The following ADAMTSL1 variants were observed in gnomAD, a reference collection of about 807,000 sequenced individuals.
ADAMTSL1 encodes ADAMTS-like protein 1.
A neutral mutation model predicts 201.8 loss-of-function variants in ADAMTSL1; 126 were observed. The ratio of observed to expected loss-of-function variants is 0.62; its 90% CI spans 0.54 to 0.72. The LOEUF (loss-of-function observed/expected upper bound fraction) is 0.72, where lower values mean the gene tolerates loss of function less well. ADAMTSL1 is among the 30% of genes least tolerant of loss of function. The pLI, the probability that ADAMTSL1 is intolerant of heterozygous loss-of-function variation, is 0.00. For missense variants in ADAMTSL1, 2,679 were observed against 2,277.8 expected (o/e 1.18, Z -3.59); for synonymous variants, 1,121 against 903.4 (o/e 1.24, Z -4.32).
intron 1 of ADAMTSL1, among the ~76,000 whole-genome samples, chr9:17,926,406 CA>C (rs1340514762): frequency 6.6e-6 from 1 of 152,144 alleles, no homozygotes; most frequent in Non-Finnish European, 1.5e-5. Context: ...TCGGCCACAT[CA>C]CCAGTGTGGA....
intron 2 of ADAMTSL1, among the ~76,000 whole-genome samples, chr9:18,366,811 A>G (rs987431458): frequency 1.3e-5 from 2 of 151,784 alleles, no homozygotes; most frequent in African/African-American, 2.4e-5. Context: ...AGAGACACCA[A>G]TGGCCAGGCT....
intron 1 of ADAMTSL1, among the ~76,000 whole-genome samples, chr9:18,061,422 G>A (rs1035566333): frequency 5.9e-5 from 9 of 152,098 alleles, no homozygotes; most frequent in Admixed American, 2.0e-4. Flanking sequence ...CCCATGTGAA[G>A]TGGTACTATG....
intron 4 of ADAMTSL1, among the ~76,000 whole-genome samples, chr9:18,609,964 T>A (rs1365232344): frequency 6.6e-6 from 1 of 152,168 alleles, no homozygotes; most frequent in Non-Finnish European, 1.5e-5. Flanking sequence ...AGCCATCACA[T>A]CCAGGTTGAG....
intron 2 of ADAMTSL1, among the ~76,000 whole-genome samples, chr9:18,337,024 T>C (rs1156712498): frequency 6.6e-6 from 1 of 152,152 alleles, no homozygotes; most frequent in Middle Eastern, 3.2e-3. Flanking sequence ...TTTGATTGGA[T>C]TGAAGGCTGC....
chr9:18,764,380 T>C (rs1019185411), intron 16 of ADAMTSL1, among the ~76,000 whole-genome samples: 2 of 152,262 alleles, frequency 1.3e-5, no homozygotes, highest in African/African-American at 4.8e-5. Context: ...TTACCAGTTC[T>C]AATAGTTTTC....
chr9:18,368,324 C>T (rs1836876795), intron 2 of ADAMTSL1, among the ~76,000 whole-genome samples: 1 of 152,168 alleles, frequency 6.6e-6, no homozygotes. Context: ...CATGTTAAAA[C>T]ACACTGCTGT....
intron 1 of ADAMTSL1, among the ~76,000 whole-genome samples, chr9:18,021,616 G>T (rs963219086): frequency 1.3e-5 from 2 of 152,016 alleles, no homozygotes; most frequent in Admixed American, 1.3e-4. Context: ...TATTAGTAAG[G>T]TCTAATAAAT....
intron 15 of ADAMTSL1, among the ~76,000 whole-genome samples, chr9:18,735,940 C>A (rs750504788): frequency 2.9e-4 from 44 of 151,558 alleles, no homozygotes; most frequent in Non-Finnish European, 5.9e-4. Flanking sequence ...GACCCCCCAC[C>A]TCCTTCTACC....
intron 2 of ADAMTSL1, among the ~76,000 whole-genome samples, chr9:18,201,057 C>G (rs1829425009): frequency 6.6e-6 from 1 of 151,972 alleles, no homozygotes; most frequent in South Asian, 2.1e-4. Flanking sequence ...GGAAAAATTC[C>G]TGATTGGGTC....
chr9:18,861,760 C>T (rs2131418818), intron 23 of ADAMTSL1, among the ~76,000 whole-genome samples: 1 of 152,284 alleles, frequency 6.6e-6, no homozygotes, highest in South Asian at 2.1e-4. Flanking sequence ...AAAGGCCAGA[C>T]ATCACTTGCC....
intron 2 of ADAMTSL1, among the ~76,000 whole-genome samples, chr9:18,524,334 T>C (rs1283771728): frequency 6.6e-6 from 1 of 152,216 alleles, no homozygotes; most frequent in Non-Finnish European, 1.5e-5. Flanking sequence ...CTTAAGGAGA[T>C]TTTGGGCTGA....
intron 2 of ADAMTSL1, among the ~76,000 whole-genome samples, chr9:18,521,802 G>C (rs1240163668): frequency 1.3e-5 from 2 of 152,148 alleles, no homozygotes; most frequent in Non-Finnish European, 1.5e-5. Context: ...GAACATGATA[G>C]AATGACATTT....
At chr9:18,526,230 T>A (rs1819036187) in intron 2 of ADAMTSL1, among the ~76,000 whole-genome samples, 2 of 152,188 alleles carry the variant, frequency 1.3e-5, no homozygotes. Context: ...CTTTGTTGAT[T>A]TAAAGTTTGT....
chr9:18,899,861 AT>A (rs34891371), intron 26 of ADAMTSL1, among the ~76,000 whole-genome samples: 39,258 of 152,168 alleles, frequency 0.26, 5,972 homozygotes, highest in Non-Finnish European at 0.34. Context: ...AGGCAATACC[AT>A]TCAGAACATA....
Position 18,826,350 on chromosome 9 carries a change from A to C in ADAMTSL1, c.4001A>C (p.His1334Pro), listed in dbSNP as rs1225415619. 6.2e-7 allele frequency: 1 copy of C among 1,613,500 alleles called. No individual in the cohort carries two copies. Among genetic ancestry groups the C allele is most frequent in the African/African-American group, 1.3e-5 (1 of 74,952 alleles). Residue 1334 changes from histidine to proline, a missense_variant, in exon 22 of 29, where the codon CAC (histidine) becomes CCC (proline). Coordinates refer to ENST00000380548, the MANE Select transcript of ADAMTSL1 (RefSeq NM_001040272.6). Reference sequence around the variant, plus strand: ...AAACTGGGCTCCCCGCACCATCTGCACGAAGGCTCCTTGCTGCTCACAAAC... The same window carrying C: ...AAACTGGGCTCCCCGCACCATCTGCCCGAAGGCTCCTTGCTGCTCACAAAC... ...KSKLGSPHHL[H>P]EGSLLLTNVS...
intron 23 of ADAMTSL1, among the ~76,000 whole-genome samples, chr9:18,850,921 T>C (rs1826453458): frequency 1.3e-5 from 2 of 152,194 alleles, no homozygotes; most frequent in African/African-American, 4.8e-5. Flanking sequence ...CTAATTATAG[T>C]AAGGGTTAAA....
intron 2 of ADAMTSL1, among the ~76,000 whole-genome samples, chr9:18,205,961 G>C (rs770810314): frequency 2.7e-5 from 4 of 147,688 alleles, no homozygotes; most frequent in Non-Finnish European, 4.5e-5. Flanking sequence ...GGCTGAGGCA[G>C]GGGAATCACT....
chr9:18,159,059 C>G (rs1827274699), intron 1 of ADAMTSL1, among the ~76,000 whole-genome samples: 1 of 152,138 alleles, frequency 6.6e-6, no homozygotes, highest in East Asian at 1.9e-4. Context: ...ACCTTGACAT[C>G]AAGCATTTCA....
intron 1 of ADAMTSL1, among the ~76,000 whole-genome samples, chr9:18,153,726 G>A (rs1303125277): frequency 6.6e-6 from 1 of 151,992 alleles, no homozygotes; most frequent in Non-Finnish European, 1.5e-5. Flanking sequence ...ACATAAAGAA[G>A]TAATCACTTT....
Sources: allele counts gnomAD v4.1 joint callset (sites outside exome capture counted in the v4.1 genomes callset), GRCh38; gene constraint gnomAD v4.1.1; transcripts MANE v1.5; gene names NCBI Gene and HGNC (gene_info 2026-07-23, HGNC 2026-07-21).